EGF: variants seen among roughly 807,000 people sequenced by gnomAD.
The protein encoded by EGF is epidermal growth factor, also known as pro-epidermal growth factor.
EGF carries 95 observed loss-of-function variants against 143.8 expected under a neutral mutation model. That is an observed-to-expected ratio of 0.66 (90% CI 0.56 to 0.78). EGF has a LOEUF of 0.78. Among genes scored for constraint, EGF ranks in the 30% least tolerant of loss-of-function variants. EGF has a pLI of 0.00. For missense variants in EGF, 1,320 were observed against 1,470.9 expected (o/e 0.90, Z 1.68); for synonymous variants, 510 against 510.5 (o/e 1.00, Z 0.01).
chr4:109,962,689 G>C (rs1336148218), intron 8 of EGF, among the ~76,000 whole-genome samples: 1 of 152,198 alleles, frequency 6.6e-6, no homozygotes, highest in Non-Finnish European at 1.5e-5. Context: ...TATAGGGAAG[G>C]AGGGTAGTGT....
intron 4 of EGF, 88 bp downstream of exon 4, chr4:109,944,157 A>G (rs1579549065): frequency 1.4e-6 from 2 of 1,383,672 alleles, no homozygotes; most frequent in East Asian, 2.5e-5. Context: ...TGGAACTGGT[A>G]TAGTGGTTTA....
In EGF at chr4:109,980,821, A is replaced by G. The variant is rs1749241763; in HGVS notation, c.2222-5A>G. ...ACTTGTGAATTTGTTTCTTTTCTCT[A>G]CTAGGAGCAGATCCCTGCTTATATC... is the stretch of plus-strand genomic sequence containing the variant. On this transcript the variant is annotated splice_polypyrimidine_tract_variant and splice_region_variant and intron_variant, in intron 14 of 23. Coordinates refer to ENST00000265171, the MANE Select transcript of EGF (RefSeq NM_001963.6). 2.5e-6 allele frequency: 4 copies of G among 1,613,924 alleles called. No homozygotes were observed. The highest frequency in any genetic ancestry group is 2.2e-5 in the East Asian group (1 of 44,884).
At chr4:109,938,983 C>T (rs1400973558) in intron 1 of EGF, among the ~76,000 whole-genome samples, 1 of 152,188 alleles carries the variant, frequency 6.6e-6, no homozygotes, top group Non-Finnish European at 1.5e-5. Flanking sequence ...CTCAGGGACC[C>T]ACTTGAGGAG....
At chr4:109,959,648 A>G (rs1745375506) in intron 6 of EGF, among the ~76,000 whole-genome samples, 1 of 152,106 alleles carries the variant, frequency 6.6e-6, no homozygotes, top group African/African-American at 2.4e-5. Context: ...ATACTTTCCT[A>G]TCTTCATATC....
intron 1 of EGF, 54 bp downstream of exon 1, chr4:109,913,516 C>T: frequency 3.1e-6 from 5 of 1,599,984 alleles, no homozygotes; most frequent in South Asian, 1.1e-5. Context: ...GCCCCCACAT[C>T]CCTGTTGGTT....
chr4:109,964,014 A>G (rs1444783759), intron 9 of EGF, among the ~76,000 whole-genome samples: 5 of 152,202 alleles, frequency 3.3e-5, no homozygotes, highest in Non-Finnish European at 7.3e-5. Context: ...CAGGCCAGGG[A>G]AAGTTACTTA....
At chr4:109,979,129 T>C (rs1161310428) in intron 13 of EGF, among the ~76,000 whole-genome samples, 2 of 152,114 alleles carry the variant, frequency 1.3e-5, no homozygotes, top group East Asian at 1.9e-4. Context: ...TTGGTGAAGG[T>C]GGGCTCAGAA....
intron 21 of EGF, among the ~76,000 whole-genome samples, chr4:110,003,553 G>C (rs11569105): frequency 0.081 from 12,322 of 152,028 alleles, 1,524 homozygotes; most frequent in African/African-American, 0.27. Flanking sequence ...TCCAGGTAGG[G>C]CTTTTGACAG....
At chr4:109,984,313 T>C (rs1220753284) in intron 16 of EGF, among the ~76,000 whole-genome samples, 1 of 152,122 alleles carries the variant, frequency 6.6e-6, no homozygotes, top group East Asian at 1.9e-4. Context: ...TTTACCCAAC[T>C]TTTGTGGTCT....
At chr4:109,962,174 T>C (rs1745811024) in intron 8 of EGF, among the ~76,000 whole-genome samples, 189 bp downstream of exon 8, 1 of 152,260 alleles carries the variant, frequency 6.6e-6, no homozygotes, top group Admixed American at 6.5e-5. Flanking sequence ...TTTGTTTTTG[T>C]TTAGACAGCA....
rs1352446252 is a variant in EGF at position 110,007,251 on chromosome 4, CAA to C, written c.3292-899_3292-898del. Among the ~76,000 whole-genome samples the C allele has an allele frequency of 3.3e-5, 5 of 152,204 alleles. No individual in the cohort carries two copies. The South Asian group carries it at 6.2e-4, about 19-fold the overall frequency. ...CACCTTTCTCAAAGGAAAATATGGG[CAA>C]AGAGATTGTTTTCTACTCCTCTTTC... On this transcript the variant is annotated intron_variant, in intron 22 of 23. Transcript: ENST00000265171.
At chr4:109,988,086 A>G (rs1269675701) in intron 17 of EGF, among the ~76,000 whole-genome samples, 2 of 152,180 alleles carry the variant, frequency 1.3e-5, no homozygotes, top group Non-Finnish European at 2.9e-5. Context: ...ATGGTTACAC[A>G]ATATATGCAG....
intron 17 of EGF, 23 bp downstream of exon 17, chr4:109,987,883 C>T (rs773506199): frequency 4.5e-5 from 69 of 1,549,564 alleles, no homozygotes; most frequent in Non-Finnish European, 5.5e-5. Context: ...GGCAAATTCA[C>T]ATATTTGGAC....
chr4:109,912,951 T>G lies in EGF; in HGVS notation c.-385T>G. ...CTTCTTTCAGCCCCAATCCAAGGGT[T>G]GTAGCTGGAACTTTCCATCAGTTCT... On this transcript the variant is annotated 5_prime_UTR_variant, in exon 1 of 24. Coordinates refer to ENST00000265171, the MANE Select transcript of EGF (RefSeq NM_001963.6). 1 of 237,346 alleles carries G rather than the reference T, an allele frequency of 4.2e-6. No homozygotes were observed. Among genetic ancestry groups the G allele is most frequent in the Non-Finnish European group, 8.3e-6 (1 of 119,784 alleles). 14.7% of individuals were successfully genotyped at this position (237,346 alleles called of 1,614,324 possible).
At chr4:110,010,855 G>A (rs1753905861) in intron 23 of EGF, among the ~76,000 whole-genome samples, 1 of 152,090 alleles carries the variant, frequency 6.6e-6, no homozygotes, top group Non-Finnish European at 1.5e-5. Flanking sequence ...GAGCCCAGGA[G>A]TTCAAAACCA....
chr4:110,010,430 T>C (rs1197257958), intron 23 of EGF, among the ~76,000 whole-genome samples: 1 of 152,108 alleles, frequency 6.6e-6, no homozygotes, highest in Non-Finnish European at 1.5e-5. Context: ...AATTTTAAGA[T>C]GCCAACCAAG....
At chr4:109,927,381 C>A (rs1355347625) in intron 1 of EGF, among the ~76,000 whole-genome samples, 1 of 151,848 alleles carries the variant, frequency 6.6e-6, no homozygotes, top group African/African-American at 2.4e-5. Flanking sequence ...TTTTAACATG[C>A]GGGGGGACTT....
chr4:109,972,045 T>TAAA (rs202031045), intron 11 of EGF, among the ~76,000 whole-genome samples: 3 of 147,338 alleles, frequency 2.0e-5, no homozygotes, highest in African/African-American at 7.5e-5. Flanking sequence ...TAATATGAGG[T>TAAA]AAAAAAAAAA....
At chr4:109,995,189 T>A (rs1751593147) in intron 20 of EGF, among the ~76,000 whole-genome samples, 1 of 152,204 alleles carries the variant, frequency 6.6e-6, no homozygotes, top group East Asian at 1.9e-4. Context: ...GTTGAAAAAC[T>A]TAGGTTTGTG....
Sources: gnomAD v4.1 joint callset for allele counts (sites outside exome capture counted in the v4.1 genomes callset) on GRCh38, gnomAD v4.1.1 for gene constraint, MANE v1.5 for transcripts, NCBI Gene and HGNC (gene_info 2026-07-23, HGNC 2026-07-21) for gene names.